Variants in NT5DC3 observed in about 807,000 individuals in gnomAD.
The protein encoded by NT5DC3 is 5'-nucleotidase domain containing 3.
Under a neutral mutation model 67.8 loss-of-function variants are expected in NT5DC3, and 42 were observed. The ratio of observed to expected loss-of-function variants is 0.62; its 90% CI spans 0.48 to 0.80. The LOEUF (loss-of-function observed/expected upper bound fraction) is 0.80, where lower values mean the gene tolerates loss of function less well. Ranked by LOEUF, NT5DC3 falls within the 30% of genes least tolerant of loss-of-function variation. The pLI is 0.00. For synonymous variants in NT5DC3, 237 were observed against 255.6 expected (o/e 0.93, Z 0.69); for missense variants, 570 against 696.4 (o/e 0.82, Z 2.04).
chr12:103,778,170 TAAA>T (rs71098000), intron 13 of NT5DC3, 89 bp from the exon 14 acceptor site: 13 of 1,174,718 alleles, frequency 1.1e-5, no homozygotes, highest in African/African-American at 8.1e-5. Flanking sequence ...CTTCTTTTTT[TAAA>T]AAAAAAAAAT....
chr12:103,763,393 C>T, the NT5DC3 span: 17 of 905,476 alleles, frequency 1.9e-5, no homozygotes, highest in Non-Finnish European at 2.8e-5. Context: ...AAAGGAAAAG[C>T]TCCCAGAGGC....
At chr12:103,791,807 C>T (rs1886076624) in intron 9 of NT5DC3, among the ~76,000 whole-genome samples, 2 of 152,184 alleles carry the variant, frequency 1.3e-5, no homozygotes, top group South Asian at 2.1e-4. Flanking sequence ...GGAACCCTAT[C>T]GTGAGCTGCA....
At chr12:103,802,960 T>A (rs2139377729) in intron 4 of NT5DC3, among the ~76,000 whole-genome samples, 1 of 152,160 alleles carries the variant, frequency 6.6e-6, no homozygotes, top group South Asian at 2.1e-4. Context: ...GAGTAATGAT[T>A]TAGGGAATCA....
In NT5DC3 at chr12:103,793,169, C is replaced by T. The variant is rs750389958; in HGVS notation, c.1014G>A (p.Lys338=). 3 of 1,596,736 alleles carry T rather than the reference C, an allele frequency of 1.9e-6. No individual in the cohort carries two copies. The highest frequency in any genetic ancestry group is 2.6e-6 in the Non-Finnish European group (3 of 1,171,314). The change falls in exon 9 of 14, where the codon AAG becomes AAA. Residue 338 remains lysine, a synonymous_variant. Transcript: ENST00000392876. ...CTAGAAAAATAAACACTCACCTCCGCTTATCATTAAAGAAGTTTGGCTTCT... is the reference window on the plus strand; with the variant it reads ...CTAGAAAAATAAACACTCACCTCCGTTTATCATTAAAGAAGTTTGGCTTCT... ...QAEKPNFFND[K]RRPFRKMNEK...
At chr12:103,810,497 G>A (rs912424679) in intron 2 of NT5DC3, among the ~76,000 whole-genome samples, 3 of 152,168 alleles carry the variant, frequency 2.0e-5, no homozygotes, top group African/African-American at 4.8e-5. Flanking sequence ...CTCACCCAAG[G>A]TGAAGTATTA....
At chr12:103,790,174 G>A (rs78661975) in intron 9 of NT5DC3, among the ~76,000 whole-genome samples, 14,138 of 152,054 alleles carry the variant, frequency 0.093, 874 homozygotes, top group East Asian at 0.24. Flanking sequence ...GCACAATCGC[G>A]GCTCACTACA....
chr12:103,800,591 A>G (rs1341531790), intron 4 of NT5DC3, among the ~76,000 whole-genome samples: 1 of 152,236 alleles, frequency 6.6e-6, no homozygotes, highest in African/African-American at 2.4e-5. Context: ...GGCTCAGAAG[A>G]CGCAGTGAAA....
intron 13 of NT5DC3, among the ~76,000 whole-genome samples, chr12:103,779,772 G>A (rs763782437): frequency 9.9e-5 from 15 of 152,166 alleles, no homozygotes; most frequent in Non-Finnish European, 1.8e-4. Flanking sequence ...TGTCAGTATG[G>A]GTTCCCTTAA....
rs1321904482 is a variant in NT5DC3, at chr12:103,835,986, A to ATGTAGTGTGCTTCATTATC, written c.208+4962_208+4963insGATAATGAAGCACACTACA. Among the ~76,000 whole-genome samples, 39 of 152,340 alleles carry ATGTAGTGTGCTTCATTATC rather than the reference A, an allele frequency of 2.6e-4. No individual in the cohort carries two copies. In the South Asian group the frequency reaches 3.9e-3, roughly 15 times the overall value. On this transcript the variant is annotated intron_variant, in intron 1 of 13. Coordinates refer to ENST00000392876, the MANE Select transcript of NT5DC3 (RefSeq NM_001031701.3). ...CAACAGAAAAATGAAGCAGCAGCAA[A>ATGTAGTGTGCTTCATTATC]AGCGGAAACCCCTGATAAGCCTATC...
intron 11 of NT5DC3, among the ~76,000 whole-genome samples, chr12:103,786,734 G>A (rs1439423617): frequency 2.1e-5 from 3 of 144,334 alleles, no homozygotes; most frequent in African/African-American, 5.1e-5. Context: ...CTAGGCTAGA[G>A]TGCAATGGCA....
chr12:103,750,948 C>T, the NT5DC3 span, among the ~76,000 whole-genome samples: 5 of 152,160 alleles, frequency 3.3e-5, no homozygotes, highest in South Asian at 2.1e-4. Flanking sequence ...AAAAATCAGC[C>T]GGTTGTGGCA....
Position 103,778,072 on chromosome 12 carries a change from G to A in NT5DC3, c.1404C>T (p.Thr468=). 6.2e-7 allele frequency: 1 copy of A among 1,608,176 alleles called. No homozygotes were observed. The highest frequency in any genetic ancestry group is 1.1e-5 in the South Asian group (1 of 90,368). ...KKERKEMREM[T]KSFFNAQFGS... ...CAAACTGGGCATTGAAGAAACTCTT[G>A]GTCATTTCTCTGAAGAGGCAATAAA... Residue 468 remains threonine, a synonymous_variant, in exon 14 of 14, where the codon ACC becomes ACT. Transcript: ENST00000392876.
intron 1 of NT5DC3, among the ~76,000 whole-genome samples, chr12:103,837,821 T>C (rs772358647): frequency 6.6e-6 from 1 of 152,214 alleles, no homozygotes; most frequent in Admixed American, 6.5e-5. Flanking sequence ...CACATTTTCT[T>C]GTCTTCTTCT....
the NT5DC3 span, chr12:103,755,204 T>G: frequency 6.6e-7 from 1 of 1,510,086 alleles, no homozygotes; most frequent in Non-Finnish European, 8.9e-7. Context: ...TGAGACTTTA[T>G]GGGTTTTATG....
At chr12:103,751,771 TAG>T in the NT5DC3 span, among the ~76,000 whole-genome samples, 7 of 152,228 alleles carry the variant, frequency 4.6e-5, no homozygotes, top group African/African-American at 7.2e-5. Context: ...ACCCAGACCA[TAG>T]AGTGTGGTCC....
At chr12:103,825,637 T>G (rs544756508) in intron 1 of NT5DC3, among the ~76,000 whole-genome samples, 1 of 152,036 alleles carries the variant, frequency 6.6e-6, no homozygotes, top group South Asian at 2.1e-4. Flanking sequence ...AAAAAAAAAT[T>G]TTAAAAGTAG....
Position 103,815,058 on chromosome 12 carries a change from A to G in NT5DC3, c.272T>C (p.Met91Thr), listed in dbSNP as rs754207194. ...NPDAIFSNNEMSLSDIEIYGF... is the reference protein window; with the variant it reads ...NPDAIFSNNETSLSDIEIYGF... The stretch of plus-strand genomic sequence containing the variant: ...ATAGATTTCAATGTCTGACAGGCTC[A>G]TTTCATTGTTTGAGAAAATGGCATC... The change falls in exon 2 of 14, where the codon ATG becomes ACG. Residue 91 changes from methionine to threonine, a missense_variant. Transcript: ENST00000392876. 4.3e-6 allele frequency: 7 copies of G among 1,613,710 alleles called. No homozygotes were observed. Among genetic ancestry groups the G allele is most frequent in the Non-Finnish European group, 5.1e-6 (6 of 1,179,752 alleles).
At chr12:103,748,973 C>G in the NT5DC3 span, 1 of 1,613,018 alleles carries the variant, frequency 6.2e-7, no homozygotes, top group Non-Finnish European at 8.5e-7. Flanking sequence ...TTGTGGATTT[C>G]TGCAAACAGG....
chr12:103,792,740 G>C (rs1566105613), intron 9 of NT5DC3, among the ~76,000 whole-genome samples: 1 of 152,188 alleles, frequency 6.6e-6, no homozygotes, highest in Non-Finnish European at 1.5e-5. Flanking sequence ...TTGCAGAGCA[G>C]CTCTGCAAAA....
Sources: gnomAD v4.1 joint callset for allele counts (sites outside exome capture counted in the v4.1 genomes callset) on GRCh38, gnomAD v4.1.1 for gene constraint, MANE v1.5 for transcripts, NCBI Gene and HGNC (gene_info 2026-07-23, HGNC 2026-07-21) for gene names.